Variants in WDR19 observed in about 807,000 individuals in gnomAD.
WDR19 encodes the protein WD repeat domain 19.
A neutral mutation model predicts 180.0 loss-of-function variants in WDR19; 121 were observed. The ratio of observed to expected loss-of-function variants is 0.67; its 90% CI spans 0.58 to 0.78. The LOEUF (loss-of-function observed/expected upper bound fraction) is 0.78. WDR19 is among the 30% of genes least tolerant of loss of function. WDR19 has a pLI of 0.00. For missense variants in WDR19, 1,450 were observed against 1,640.7 expected, an observed-to-expected ratio of 0.88 and a Z score of 2.01; for synonymous variants, 497 against 540.7, an observed-to-expected ratio of 0.92 and a Z score of 1.12.
chr4:39,188,618 CAAAA>C (rs60149380), intron 3 of WDR19, among the ~76,000 whole-genome samples: 4 of 81,176 alleles, frequency 4.9e-5, no homozygotes, highest in Admixed American at 1.5e-4. Context: ...GACCTTGTCT[CAAAA>C]AAAAAAAAAA....
chr4:39,225,443 A>T (rs1730153497), intron 15 of WDR19, among the ~76,000 whole-genome samples: 1 of 152,206 alleles, frequency 6.6e-6, no homozygotes, highest in Non-Finnish European at 1.5e-5. Flanking sequence ...GAGCACAAGG[A>T]ACAGGTATTT....
rs1727174274 is a variant in WDR19 at position 39,199,686 on chromosome 4, A to T, written c.522+93A>T. On this transcript the variant is annotated intron_variant, in intron 6 of 36. Coordinates refer to ENST00000399820, the MANE Select transcript of WDR19 (RefSeq NM_025132.4). ...CAAACTAATCTATACAATTTTTAAA[A>T]ATCTATATGTGAGGTATATATGTGT... 12 of 1,003,290 alleles carry T rather than the reference A, an allele frequency of 1.2e-5. No homozygotes were observed. In the Admixed American group the frequency reaches 2.8e-4, roughly 24 times the overall value. The allele number at this position is 1,003,290 out of a possible 1,614,324, so 62.1% of individuals were successfully genotyped here.
At position 39,218,052 on chromosome 4, in the gene WDR19, T is replaced by C. The variant is rs1486213364; in HGVS notation, c.1426T>C (p.Cys476Arg). ...TRLFPAVDDK[C>R]RILCHALTSD... Reference sequence around the variant, plus strand: ...GCTTTTCCCAGCAGTGGATGATAAGTGCCGTATCTTATGCCATGCCTTAAC... The same window carrying C: ...GCTTTTCCCAGCAGTGGATGATAAGCGCCGTATCTTATGCCATGCCTTAAC... The change falls in exon 14 of 37, where the codon TGC (cysteine) becomes CGC (arginine). Residue 476 changes from cysteine (C) to arginine (R), a missense_variant. Transcript: ENST00000399820. 1.9e-6 allele frequency: 3 copies of C among 1,614,004 alleles called. No individual in the cohort carries two copies. Among genetic ancestry groups the C allele is most frequent in the Non-Finnish European group, 2.5e-6 (3 of 1,179,874 alleles).
rs1730515419 is a variant in WDR19, at chr4:39,228,484, AG to A, written c.1778del. On this transcript the variant is annotated splice_acceptor_variant, in intron 16 of 36. Transcript: ENST00000399820. LOFTEE classifies it high-confidence loss of function. ...CATTGCGATGTCTGTTTTATAATGT[AG>A]GAGCCAAGGTTATTTTGGCTGGTAG... 1 of 1,613,574 alleles carries A rather than the reference AG, an allele frequency of 6.2e-7. No individual in the cohort carries two copies. Among genetic ancestry groups the A allele is most frequent in the East Asian group, 2.2e-5 (1 of 44,882 alleles).
intron 24 of WDR19, among the ~76,000 whole-genome samples, chr4:39,249,502 A>C (rs1732911131): frequency 6.6e-6 from 1 of 152,142 alleles, no homozygotes; most frequent in African/African-American, 2.4e-5. Flanking sequence ...ATCAGAGCAG[A>C]ACTGAAGGAG....
At chr4:39,205,319 G>T in intron 8 of WDR19, 53 bp downstream of exon 8, 1 of 1,441,078 alleles carries the variant, frequency 6.9e-7, no homozygotes, top group South Asian at 1.3e-5. Context: ...AAGGACATCT[G>T]TAGGTTTTTC....
rs1032864793 is a variant in WDR19 at position 39,228,557 on chromosome 4, G to C, written c.1849G>C (p.Glu617Gln). The C allele has an allele frequency of 1.9e-6, 3 of 1,613,810 alleles. No individual in the cohort carries two copies. The African/African-American group carries it at 4.0e-5, about 22-fold the overall frequency. Reference sequence around the variant, plus strand: ...TAAACCTTTGCTGCTATATAATGGAGAGCTGACCTGCCAAACACAGAGTGG... The same window carrying C: ...TAAACCTTTGCTGCTATATAATGGACAGCTGACCTGCCAAACACAGAGTGG... The part of the protein sequence containing the change: ...AHKPLLLYNG[E>Q]LTCQTQSGKV... Residue 617 changes from glutamate (E) to glutamine (Q), a missense_variant, in exon 17 of 37, where the codon GAG (glutamate) becomes CAG (glutamine). Physicochemically the swap from Glu to Gln is conservative, Grantham distance 29 (BLOSUM62 2). Coordinates refer to ENST00000399820, the MANE Select transcript of WDR19 (RefSeq NM_025132.4).
In WDR19 at chr4:39,205,495, C is replaced by T. The variant is rs1727848804; in HGVS notation, c.717-68C>T. On this transcript the variant is annotated intron_variant, in intron 8 of 36. Coordinates refer to ENST00000399820, the MANE Select transcript of WDR19 (RefSeq NM_025132.4). ...TAATTCCTTAATTTTAAGGTACTTG[C>T]TAATTTACCATGTTGCCACTGATAG... is the stretch of plus-strand genomic sequence containing the variant. 6.0e-6 allele frequency: 9 copies of T among 1,502,490 alleles called. No homozygotes were observed. In the South Asian group the frequency reaches 1.2e-4, roughly 20 times the overall value. The allele number at this position is 1,502,490 out of a possible 1,614,324, so 93.1% of individuals were successfully genotyped here.
chr4:39,285,046 CAAG>C (rs1455800282), intron 36 of WDR19, among the ~76,000 whole-genome samples: 1 of 109,874 alleles, frequency 9.1e-6, no homozygotes, highest in Non-Finnish European at 1.8e-5. Flanking sequence ...GGCAATGTAA[CAAG>C]ACCCCATCAT....
In WDR19 at chr4:39,284,331, A is replaced by ATTTT. The variant is rs143848496; in HGVS notation, c.*14-1134_*14-1131dup. On this transcript the variant is annotated intron_variant, in intron 36 of 36. Transcript: ENST00000399820. ...CCTTTCTTCTAAGTAAGTAAAAAAA[A>ATTTT]TTTTTTTTTTTTTTTTTTTTTTTTT... Among the ~76,000 whole-genome samples, 51 of 91,534 alleles carry ATTTT rather than the reference A, an allele frequency of 5.6e-4. 1 individual carries two copies. Among genetic ancestry groups the ATTTT allele is most frequent in the Non-Finnish European group, 8.5e-4 (42 of 49,198 alleles). 60.0% of individuals were successfully genotyped at this position (91,534 alleles called of 152,430 possible).
At chr4:39,189,849 C>T (rs1440253044) in intron 4 of WDR19, 68 bp downstream of exon 4, 2 of 1,462,256 alleles carry the variant, frequency 1.4e-6, no homozygotes, top group Admixed American at 5.0e-5. Flanking sequence ...TTGGTGCTAA[C>T]AATTCTTTAC....
chr4:39,256,489 A>G (rs994193452), intron 27 of WDR19, among the ~76,000 whole-genome samples: 8 of 152,230 alleles, frequency 5.3e-5, no homozygotes, highest in African/African-American at 1.9e-4. Context: ...GTTGTCATTT[A>G]GGAATCCAGG....
intron 36 of WDR19, among the ~76,000 whole-genome samples, chr4:39,281,230 T>TAGAGAGAGAGAGAGAG (rs796659495): frequency 5.9e-4 from 57 of 97,114 alleles, no homozygotes; most frequent in African/African-American, 9.0e-4. Context: ...TATATATATA[T>TAGAGAGAGAGAGAGAG]ATATATAGAG....
chr4:39,239,293 T>A (rs544915663), intron 20 of WDR19, among the ~76,000 whole-genome samples: 1 of 152,156 alleles, frequency 6.6e-6, no homozygotes, highest in East Asian at 1.9e-4. Flanking sequence ...ATTATTTATA[T>A]CATGTATATT....
chr4:39,276,928 T>G, intron 33 of WDR19, 92 bp from the exon 34 acceptor site: 1 of 1,520,894 alleles, frequency 6.6e-7, no homozygotes, highest in Non-Finnish European at 9.0e-7. Flanking sequence ...AGGTGTGTCA[T>G]ATGTCCCTGG....
chr4:39,221,543 G>A (rs1249052843), intron 14 of WDR19, among the ~76,000 whole-genome samples: 4 of 152,156 alleles, frequency 2.6e-5, no homozygotes, highest in Non-Finnish European at 4.4e-5. Flanking sequence ...AGGCGTGGTG[G>A]CACATGCCTG....
rs1736876312 is a variant in WDR19, at chr4:39,284,097, T to C, written c.*14-1390T>C. The stretch of plus-strand genomic sequence containing the variant: ...GGATTTTCTAGAATTCTCGAATCTG[T>C]ATGTTTATATTTTTCCCTCAATTGG... On this transcript the variant is annotated intron_variant, in intron 36 of 36. Coordinates refer to ENST00000399820, the MANE Select transcript of WDR19 (RefSeq NM_025132.4). Among the ~76,000 whole-genome samples the C allele has an allele frequency of 5.9e-5, 9 of 152,190 alleles. 1 individual carries two copies. In the South Asian group the frequency reaches 1.9e-3, roughly 32 times the overall value.
chr4:39,248,918 C>G (rs1400076588), intron 24 of WDR19, among the ~76,000 whole-genome samples: 1 of 152,078 alleles, frequency 6.6e-6, no homozygotes. Flanking sequence ...GACTTTAACA[C>G]CCCACTGTCA....
chr4:39,256,151 C>T (rs1204425636), intron 27 of WDR19, among the ~76,000 whole-genome samples, 191 bp downstream of exon 27: 3 of 152,040 alleles, frequency 2.0e-5, no homozygotes, highest in Non-Finnish European at 4.4e-5. Context: ...TTCGTAATAC[C>T]TCTCACATCT....
Sources: allele counts gnomAD v4.1 joint callset (sites outside exome capture counted in the v4.1 genomes callset), GRCh38; gene constraint gnomAD v4.1.1; transcripts MANE v1.5; gene names NCBI Gene and HGNC (gene_info 2026-07-23, HGNC 2026-07-21).